Variants in UNC79 observed in about 807,000 individuals in gnomAD.
The protein encoded by UNC79 is unc-79 subunit of NALCN channel complex, also known as protein unc-79 homolog.
UNC79 carries 37 observed loss-of-function variants against 283.1 expected under a neutral mutation model. That is an observed-to-expected ratio of 0.13 (90% CI 0.10 to 0.17). The LOEUF (loss-of-function observed/expected upper bound fraction) is 0.17, where lower values mean the gene tolerates loss of function less well. UNC79 is among the 10% of genes least tolerant of loss of function. The pLI, the probability that UNC79 is intolerant of heterozygous loss-of-function variation, is 1.00. For synonymous variants in UNC79, 1,107 were observed against 1,200.2 expected, an observed-to-expected ratio of 0.92 and a Z score of 1.61; for missense variants, 2,272 against 3,211.1, an observed-to-expected ratio of 0.71 and a Z score of 7.07.
chr14:93,346,267 A>G (rs1202104658), intron 1 of UNC79, among the ~76,000 whole-genome samples: 1 of 152,212 alleles, frequency 6.6e-6, no homozygotes, highest in Non-Finnish European at 1.5e-5. Flanking sequence ...TAGGCCCCCA[A>G]AAGAAATAAT....
chr14:93,366,249 T>C (rs1172476010), intron 1 of UNC79, among the ~76,000 whole-genome samples: 2 of 152,240 alleles, frequency 1.3e-5, no homozygotes, highest in East Asian at 1.9e-4. Flanking sequence ...CTTCCTTGTC[T>C]GAGCAAAGAT....
chr14:93,411,250 T>C (rs1467768174), intron 1 of UNC79, among the ~76,000 whole-genome samples: 1 of 152,102 alleles, frequency 6.6e-6, no homozygotes, highest in African/African-American at 2.4e-5. Context: ...GACTGTGTCT[T>C]CTGATTTGAG....
intron 30 of UNC79, among the ~76,000 whole-genome samples, chr14:93,627,513 C>T (rs1028746405): frequency 1.3e-5 from 2 of 152,182 alleles, no homozygotes; most frequent in Non-Finnish European, 2.9e-5. Flanking sequence ...CTGCTGACCT[C>T]GACCTGGACC....
At chr14:93,623,800 G>A (rs2067327559) in intron 30 of UNC79, among the ~76,000 whole-genome samples, 1 of 152,210 alleles carries the variant, frequency 6.6e-6, no homozygotes, top group Non-Finnish European at 1.5e-5. Context: ...GGCTGAGGCA[G>A]GAGAATTGCT....
At chr14:93,609,358 T>A (rs1460602861) in intron 26 of UNC79, among the ~76,000 whole-genome samples, 1 of 152,172 alleles carries the variant, frequency 6.6e-6, no homozygotes, top group Non-Finnish European at 1.5e-5. Context: ...GAGATAAGTC[T>A]GGAAAAGCAG....
chr14:93,539,460 G>C (rs1174999898), intron 12 of UNC79, among the ~76,000 whole-genome samples: 8 of 151,458 alleles, frequency 5.3e-5, no homozygotes, highest in Non-Finnish European at 1.0e-4. Context: ...GGCGGAGGTT[G>C]CAGTGAGCTG....
At chr14:93,374,663 T>C (rs1005264433) in intron 1 of UNC79, among the ~76,000 whole-genome samples, 2 of 152,276 alleles carry the variant, frequency 1.3e-5, no homozygotes, top group East Asian at 3.9e-4. Context: ...CTCAGCCTCC[T>C]GAGTAGCTGG....
At chr14:93,376,907 A>T (rs955338261) in intron 1 of UNC79, among the ~76,000 whole-genome samples, 7 of 148,334 alleles carry the variant, frequency 4.7e-5, no homozygotes, top group African/African-American at 1.7e-4. Flanking sequence ...TATATGTTAT[A>T]TATATTATAG....
At chr14:93,406,968 G>C (rs2055238913) in intron 1 of UNC79, among the ~76,000 whole-genome samples, 1 of 152,170 alleles carries the variant, frequency 6.6e-6, no homozygotes, top group African/African-American at 2.4e-5. Context: ...ATAGTCTAGG[G>C]AGGAATTCTT....
chr14:93,634,614 A>T (rs1464334785), intron 31 of UNC79: 4 of 1,613,910 alleles, frequency 2.5e-6, no homozygotes. Context: ...AGCGCCCCCC[A>T]TAACATCAGC....
chr14:93,540,891 A>G (rs1351302450), intron 13 of UNC79, 60 bp downstream of exon 13: 1 of 1,600,962 alleles, frequency 6.2e-7, no homozygotes, highest in Non-Finnish European at 8.5e-7. Flanking sequence ...AATTGTACTG[A>G]AGAGGAATTT....
chr14:93,509,586 G>A (rs115095448), intron 7 of UNC79, among the ~76,000 whole-genome samples: 2,152 of 152,248 alleles, frequency 0.014, 55 homozygotes, highest in African/African-American at 0.049. Flanking sequence ...CATGAAGTCC[G>A]AAACCCAGCA....
rs569389762 is a variant in UNC79, at chr14:93,334,010, A to G, written c.-351+487A>G. On this transcript the variant is annotated intron_variant, in intron 1 of 49. Transcript: ENST00000256339. ...CTGGGAATTTATTTGAAAGTATTGT[A>G]TTTGCATTTTCAATCTCTACCCATT... 3.3e-5 allele frequency among the ~76,000 whole-genome samples: 5 copies of G among 152,290 alleles called. No individual in the cohort carries two copies. The East Asian group carries it at 7.7e-4, about 23-fold the overall frequency.
chr14:93,438,663 C>CTT lies in UNC79; in HGVS notation c.22+7624_22+7625dup, dbSNP rs61646513. On this transcript the variant is annotated intron_variant, in intron 1 of 48. Transcript: ENST00000555664. ...GGTTTCACTGGCTTTCTTTTACGTT[C>CTT]TTTTTTTTTTTTTCACGTAACCCTC... Among the ~76,000 whole-genome samples the CTT allele has an allele frequency of 5.0e-3, 703 of 141,720 alleles. 4 individuals are homozygous for CTT. Among genetic ancestry groups the CTT allele is most frequent in the African/African-American group, 0.017 (655 of 39,234 alleles). 93.0% of individuals were successfully genotyped at this position (141,720 alleles called of 152,430 possible). A position where few individuals can be genotyped will look rare whatever the true frequency, so the allele number is the denominator to read the frequency against.
intron 8 of UNC79, among the ~76,000 whole-genome samples, chr14:93,525,542 A>G (rs1162870797): frequency 6.6e-6 from 1 of 152,078 alleles, no homozygotes; most frequent in Admixed American, 6.5e-5. Context: ...CCTTCAATAG[A>G]CATTTGGGGT....
At chr14:93,663,730 C>G (rs553326508) in intron 40 of UNC79, among the ~76,000 whole-genome samples, 1 of 151,966 alleles carries the variant, frequency 6.6e-6, no homozygotes, top group South Asian at 2.1e-4. Context: ...TTTTTTTCTT[C>G]TTTTAGAAAC....
intron 1 of UNC79, among the ~76,000 whole-genome samples, chr14:93,366,995 C>G (rs112951717): frequency 5.3e-4 from 81 of 152,302 alleles, no homozygotes; most frequent in African/African-American, 1.7e-3. Context: ...TCCCAGTGTT[C>G]CTGAGCCTCT....
chr14:93,456,031 G>A (rs963017256), intron 1 of UNC79, among the ~76,000 whole-genome samples: 2 of 151,802 alleles, frequency 1.3e-5, no homozygotes, highest in Admixed American at 6.6e-5. Context: ...AATTACAGAT[G>A]TATGATGAGG....
chr14:93,415,099 A>C lies in UNC79; in HGVS notation c.-350-52572A>C, dbSNP rs540155057. Among the ~76,000 whole-genome samples the C allele has an allele frequency of 1.9e-3, 287 of 152,298 alleles. 1 individual carries two copies. Among genetic ancestry groups the C allele is most frequent in the African/African-American group, 6.4e-3 (268 of 41,576 alleles). On this transcript the variant is annotated intron_variant, in intron 1 of 49. Coordinates refer to the UNC79 transcript ENST00000256339. ...AGAAAGGGCATCCCTGTCTTGTGCCAGTTTTCAAAGGGAATGCTTCCAGTT... is the reference window on the plus strand; with the variant it reads ...AGAAAGGGCATCCCTGTCTTGTGCCCGTTTTCAAAGGGAATGCTTCCAGTT...
Sources: allele counts gnomAD v4.1 joint callset (sites outside exome capture counted in the v4.1 genomes callset), GRCh38; gene constraint gnomAD v4.1.1; transcripts MANE v1.5; gene names NCBI Gene and HGNC (gene_info 2026-07-23, HGNC 2026-07-21).